HOOK3: variants seen among roughly 807,000 people sequenced by gnomAD.
HOOK3 encodes hook microtubule tethering protein 3.
A neutral mutation model predicts 116.3 loss-of-function variants in HOOK3; 24 were observed. The observed-to-expected ratio is 0.21, with a 90% CI of 0.15 to 0.29. The LOEUF is 0.29. Ranked by LOEUF, HOOK3 falls within the 10% of genes least tolerant of loss-of-function variation. The probability of loss-of-function intolerance (pLI) is 1.00; values close to 1 mark genes in which losing one functional copy is unlikely to be tolerated. For missense variants in HOOK3, 632 were observed against 830.2 expected, an observed-to-expected ratio of 0.76 and a Z score of 2.93; for synonymous variants, 275 against 283.0, an observed-to-expected ratio of 0.97 and a Z score of 0.28.
chr8:42,925,480 TG>T, intron 2 of HOOK3, 76 bp from the exon 3 acceptor site: 1 of 915,018 alleles, frequency 1.1e-6, no homozygotes, highest in East Asian at 2.5e-5. Flanking sequence ...AGTGATTATA[TG>T]GGATGAGATT....
intron 1 of HOOK3, among the ~76,000 whole-genome samples, chr8:42,900,539 AATT>A (rs1563286325): frequency 1.3e-5 from 2 of 152,104 alleles, no homozygotes; most frequent in Non-Finnish European, 1.5e-5. Flanking sequence ...GGGGTGGTAT[AATT>A]ATTATGGTGG....
intron 2 of HOOK3, among the ~76,000 whole-genome samples, chr8:42,910,669 A>G (rs915566147): frequency 1.3e-5 from 2 of 152,250 alleles, no homozygotes; most frequent in Non-Finnish European, 2.9e-5. Context: ...TCTATTTTAA[A>G]TAGTTGTATG....
At chr8:42,978,233 G>A (rs1018301437) in intron 13 of HOOK3, among the ~76,000 whole-genome samples, 4 of 152,094 alleles carry the variant, frequency 2.6e-5, no homozygotes, top group African/African-American at 9.7e-5. Context: ...TTCTTAAGAA[G>A]ATATCAGATA....
intron 8 of HOOK3, among the ~76,000 whole-genome samples, chr8:42,962,840 C>A (rs1427819240): frequency 7.7e-6 from 1 of 129,140 alleles, no homozygotes; most frequent in South Asian, 2.4e-4. Flanking sequence ...TCGCTCTTGT[C>A]CCCCAGTCTG....
In HOOK3 at chr8:43,021,104, GAAAA is replaced by G. The variant is rs34161624; in HGVS notation, c.*2632_*2635del. ...CGACAAGAGCGAAACTCTGTCGCAA[GAAAA>G]AAAAAAAAAAAAAAAAAAAAAAAAA... On this transcript the variant is annotated 3_prime_UTR_variant, in exon 22 of 22. Transcript: ENST00000307602. 1,050 of 31,892 alleles carry G rather than the reference GAAAA, an allele frequency of 0.033. 1 individual carries two copies. The highest frequency in any genetic ancestry group is 0.098 in the African/African-American group (1,002 of 10,272). The allele number at this position is 31,892 out of a possible 1,614,324, so 2.0% of individuals were successfully genotyped here.
intron 16 of HOOK3, among the ~76,000 whole-genome samples, chr8:42,999,428 G>T (rs80202392): frequency 6.6e-6 from 1 of 152,196 alleles, no homozygotes. Context: ...CTGAAACTGT[G>T]CCTCCAAATG....
chr8:42,978,057 G>A (rs1318705940), intron 13 of HOOK3, among the ~76,000 whole-genome samples: 1 of 152,112 alleles, frequency 6.6e-6, no homozygotes, highest in Admixed American at 6.6e-5. Flanking sequence ...GGTTTGTTCT[G>A]CGAAATGAGA....
At chr8:42,991,674 T>C (rs963421970) in intron 15 of HOOK3, among the ~76,000 whole-genome samples, 1 of 152,170 alleles carries the variant, frequency 6.6e-6, no homozygotes, top group Non-Finnish European at 1.5e-5. Flanking sequence ...AGTGCTGGGA[T>C]TACAGGCGTG....
chr8:42,955,824 G>A (rs1276155527), intron 6 of HOOK3, among the ~76,000 whole-genome samples: 1 of 152,166 alleles, frequency 6.6e-6, no homozygotes, highest in Non-Finnish European at 1.5e-5. Context: ...TTTATTGAGA[G>A]CTGTTGCTGG....
Position 43,022,255 on chromosome 8 carries a change from G to A in HOOK3, c.*3757G>A, listed in dbSNP as rs1809844313. The A allele has an allele frequency of 4.7e-6, 1 of 211,004 alleles. No homozygotes were observed. Among genetic ancestry groups the A allele is most frequent in the Non-Finnish European group, 9.6e-6 (1 of 104,034 alleles). The allele number at this position is 211,004 out of a possible 1,614,324, so 13.1% of individuals were successfully genotyped here. ...AATGATTCCTCAGGAGATTCGTGATGTTGTCTGGTCTATCTGGAAATTTAA... is the reference window on the plus strand; with the variant it reads ...AATGATTCCTCAGGAGATTCGTGATATTGTCTGGTCTATCTGGAAATTTAA... On this transcript the variant is annotated 3_prime_UTR_variant, in exon 22 of 22. Transcript: ENST00000307602.
rs1048172725 is a variant in HOOK3, at chr8:43,025,480, T to C, written c.*6982T>C. On this transcript the variant is annotated 3_prime_UTR_variant, in exon 22 of 22. Coordinates refer to ENST00000307602, the MANE Select transcript of HOOK3 (RefSeq NM_032410.4). Reference sequence around the variant, plus strand: ...ATCTAAACAGATGTTCCCAAAGCAATAGTTTGCCTAAAATCCTCTGTATTA... The same window carrying C: ...ATCTAAACAGATGTTCCCAAAGCAACAGTTTGCCTAAAATCCTCTGTATTA... 4.7e-6 allele frequency: 1 copy of C among 213,396 alleles called. No homozygotes were observed. The highest frequency in any genetic ancestry group is 2.3e-5 in the African/African-American group (1 of 44,304). The allele number at this position is 213,396 out of a possible 1,614,324, so 13.2% of individuals were successfully genotyped here.
chr8:42,964,200 G>T, intron 8 of HOOK3, 111 bp from the exon 9 acceptor site: 1 of 1,069,996 alleles, frequency 9.3e-7, no homozygotes. Flanking sequence ...GTGAGACTCC[G>T]CCTCAAAAAA....
intron 2 of HOOK3, among the ~76,000 whole-genome samples, chr8:42,912,765 C>T (rs1327361419): frequency 6.6e-6 from 1 of 152,204 alleles, no homozygotes; most frequent in East Asian, 1.9e-4. Flanking sequence ...ATCAATACTG[C>T]TCAAAGGCCG....
At chr8:42,902,328 G>T (rs1009025976) in intron 1 of HOOK3, among the ~76,000 whole-genome samples, 4 of 150,456 alleles carry the variant, frequency 2.7e-5, no homozygotes, top group African/African-American at 9.8e-5. Context: ...CTGGAGTGCC[G>T]TGGAGCAGTC....
chr8:43,009,810 T>TA (rs1809569529), intron 18 of HOOK3, among the ~76,000 whole-genome samples: 1 of 152,184 alleles, frequency 6.6e-6, no homozygotes, highest in South Asian at 2.1e-4. Context: ...CATTAAACAA[T>TA]AACTCTCCCT....
At chr8:42,919,676 T>C (rs1374607157) in intron 2 of HOOK3, among the ~76,000 whole-genome samples, 1 of 152,190 alleles carries the variant, frequency 6.6e-6, no homozygotes, top group Non-Finnish European at 1.5e-5. Context: ...TGAGCGAGAC[T>C]CCGTCTGCAA....
At chr8:42,977,253 T>C (rs1288707024) in intron 13 of HOOK3, among the ~76,000 whole-genome samples, 3 of 152,190 alleles carry the variant, frequency 2.0e-5, no homozygotes, top group African/African-American at 7.2e-5. Flanking sequence ...ACACCTCTTA[T>C]ATAAGCAGAA....
chr8:43,005,588 T>G (rs1002457122), intron 17 of HOOK3, among the ~76,000 whole-genome samples: 2 of 152,070 alleles, frequency 1.3e-5, no homozygotes, highest in Non-Finnish European at 2.9e-5. Flanking sequence ...TGAGAATGAT[T>G]CAAATTCTGA....
At chr8:42,931,425 CTTTTTTTTTT>C (rs764965780) in intron 4 of HOOK3, among the ~76,000 whole-genome samples, 3 of 100,612 alleles carry the variant, frequency 3.0e-5, no homozygotes, top group East Asian at 5.6e-4. Flanking sequence ...CTTCTCTTCT[CTTTTTTTTTT>C]TTTTTTTTTT....
Sources: gnomAD v4.1 joint callset for allele counts (sites outside exome capture counted in the v4.1 genomes callset) on GRCh38, gnomAD v4.1.1 for gene constraint, MANE v1.5 for transcripts, NCBI Gene and HGNC (gene_info 2026-07-23, HGNC 2026-07-21) for gene names.